The following KIAA0232 variants were observed in gnomAD, a reference collection of about 807,000 sequenced individuals.
KIAA0232 encodes the protein uncharacterized protein KIAA0232.
A neutral mutation model predicts 122.0 loss-of-function variants in KIAA0232; 27 were observed. The observed-to-expected ratio is 0.22, with a 90% CI of 0.16 to 0.31. The LOEUF is 0.31. KIAA0232 is among the 10% of genes least tolerant of loss of function. The probability of loss-of-function intolerance (pLI) is 1.00; values close to 1 mark genes in which losing one functional copy is unlikely to be tolerated. For missense variants in KIAA0232, 1,551 were observed against 1,634.2 expected, an observed-to-expected ratio of 0.95 and a Z score of 0.88; for synonymous variants, 613 against 587.6, an observed-to-expected ratio of 1.04 and a Z score of -0.63.
chr4:6,797,556 G>A (rs575500651), intron 1 of KIAA0232, among the ~76,000 whole-genome samples: 45 of 148,164 alleles, frequency 3.0e-4, no homozygotes, highest in African/African-American at 1.1e-3. Context: ...GATCGCTTGA[G>A]CCCAGGAATT....
chr4:6,868,603 C>T (rs1046925242), intron 7 of KIAA0232, among the ~76,000 whole-genome samples: 1 of 152,288 alleles, frequency 6.6e-6, no homozygotes, highest in East Asian at 1.9e-4. Context: ...GGGAGGGCAG[C>T]ACTGAGGCCG....
chr4:6,876,909 C>T (rs1363808081), intron 9 of KIAA0232, 152 bp downstream of exon 9: 1 of 608,950 alleles, frequency 1.6e-6, no homozygotes, highest in Non-Finnish European at 3.0e-6. Flanking sequence ...TGTTCTCTGG[C>T]CTTTGTTCTG....
chr4:6,816,927 T>C (rs1351111019), intron 2 of KIAA0232, among the ~76,000 whole-genome samples: 1 of 152,162 alleles, frequency 6.6e-6, no homozygotes, highest in Non-Finnish European at 1.5e-5. Flanking sequence ...ACCTATAGAA[T>C]CTGTAGTGAT....
At chr4:6,869,074 G>C (rs1244749969) in intron 7 of KIAA0232, among the ~76,000 whole-genome samples, 1 of 152,130 alleles carries the variant, frequency 6.6e-6, no homozygotes, top group East Asian at 1.9e-4. Flanking sequence ...AGGAAGACGT[G>C]GTCCCGCCCC....
intron 9 of KIAA0232, among the ~76,000 whole-genome samples, chr4:6,878,382 TAC>T (rs1560214635): frequency 1.7e-4 from 26 of 150,646 alleles, no homozygotes; most frequent in South Asian, 1.3e-3. Context: ...CATTCATTCA[TAC>T]ATACATACAT....
Position 6,883,803 on chromosome 4 carries a change from T to A in KIAA0232, c.*2837T>A, listed in dbSNP as rs544699029. ...GAAAACTCATATGTCCTTCTGTCACTCTGAGACATACACTGGTAACATCTG... is the reference window on the plus strand; with the variant it reads ...GAAAACTCATATGTCCTTCTGTCACACTGAGACATACACTGGTAACATCTG... On this transcript the variant is annotated 3_prime_UTR_variant, in exon 10 of 10. Transcript: ENST00000307659. The A allele has an allele frequency of 1.2e-3, 187 of 152,348 alleles. No individual in the cohort carries two copies. Among genetic ancestry groups the A allele is most frequent in the African/African-American group, 4.1e-3 (171 of 41,590 alleles). The allele number at this position is 152,348 out of a possible 1,614,324, so 9.4% of individuals were successfully genotyped here.
At chr4:6,790,100 C>T (rs147469256) in intron 1 of KIAA0232, among the ~76,000 whole-genome samples, 4 of 152,166 alleles carry the variant, frequency 2.6e-5, no homozygotes, top group Non-Finnish European at 2.9e-5. Context: ...TTCAGGAAAG[C>T]GAATGTTTTC....
At chr4:6,796,907 TAGTC>T (rs1228616607) in intron 1 of KIAA0232, among the ~76,000 whole-genome samples, 1 of 152,214 alleles carries the variant, frequency 6.6e-6, no homozygotes, top group Non-Finnish European at 1.5e-5. Flanking sequence ...TTGGTTATGT[TAGTC>T]AGCATCCTTT....
chr4:6,828,081 A>G (rs186977818), intron 3 of KIAA0232, among the ~76,000 whole-genome samples: 2 of 152,348 alleles, frequency 1.3e-5, no homozygotes, highest in East Asian at 3.9e-4. Flanking sequence ...ATTTTACTGT[A>G]AAGCTTTTCA....
At chr4:6,802,045 A>G (rs1717407089) in intron 1 of KIAA0232, among the ~76,000 whole-genome samples, 1 of 152,174 alleles carries the variant, frequency 6.6e-6, no homozygotes, top group South Asian at 2.1e-4. Flanking sequence ...TGAGTGTCAC[A>G]AGTTGGGTTC....
intron 5 of KIAA0232, 52 bp downstream of exon 5, chr4:6,857,282 A>G (rs193259927): frequency 3.1e-5 from 46 of 1,471,548 alleles, no homozygotes; most frequent in Admixed American, 7.8e-5. Context: ...TCCCTGAGGA[A>G]TCTGGATTGG....
intron 7 of KIAA0232, among the ~76,000 whole-genome samples, chr4:6,871,088 A>G (rs1190894730): frequency 6.6e-6 from 1 of 152,066 alleles, no homozygotes; most frequent in East Asian, 1.9e-4. Context: ...TTCTTTATAC[A>G]CTGTGAACAC....
intron 4 of KIAA0232, among the ~76,000 whole-genome samples, chr4:6,846,193 G>C (rs551941283): frequency 7.9e-5 from 12 of 152,208 alleles, no homozygotes; most frequent in African/African-American, 2.9e-4. Flanking sequence ...AATGTGCCAG[G>C]CATAACCAGA....
intron 7 of KIAA0232, among the ~76,000 whole-genome samples, chr4:6,865,625 A>T (rs571965551): frequency 2.0e-5 from 3 of 152,112 alleles, no homozygotes; most frequent in Non-Finnish European, 2.9e-5. Flanking sequence ...AAAGAGATGG[A>T]GGTGTTTAGA....
chr4:6,874,107 C>T (rs1468553187), intron 8 of KIAA0232, among the ~76,000 whole-genome samples: 1 of 152,190 alleles, frequency 6.6e-6, no homozygotes, highest in Admixed American at 6.5e-5. Context: ...GTTCAGGTAA[C>T]CATATAAGAA....
Position 6,863,332 on chromosome 4 carries a change from C to T in KIAA0232, c.2950C>T (p.Pro984Ser). The change falls in exon 7 of 10, where the codon CCT becomes TCT. Residue 984 changes from proline (P) to serine (S), a missense_variant. Around this residue, in one of 5 missense-constraint regions of KIAA0232, gnomAD observed 1,108 missense variants for 1,154.8 expected, o/e 0.96. Transcript: ENST00000307659. ...VFMTPGNSFA[P>S]GHRQLWKPFV... The stretch of plus-strand genomic sequence containing the variant: ...TATGACCCCAGGAAACAGTTTTGCT[C>T]CTGGGCACAGGCAGTTATGGAAACC... 1 of 1,614,106 alleles carries T rather than the reference C, an allele frequency of 6.2e-7. No homozygotes were observed. The highest frequency in any genetic ancestry group is 8.5e-7 in the Non-Finnish European group (1 of 1,180,012).
chr4:6,852,918 C>T (rs1720371165), intron 4 of KIAA0232, among the ~76,000 whole-genome samples: 1 of 152,214 alleles, frequency 6.6e-6, no homozygotes, highest in Non-Finnish European at 1.5e-5. Context: ...TATTGTGAAA[C>T]CCAGTCACTG....
intron 1 of KIAA0232, among the ~76,000 whole-genome samples, chr4:6,798,015 G>A (rs1387864207): frequency 2.7e-5 from 4 of 148,922 alleles, no homozygotes; most frequent in Non-Finnish European, 4.4e-5. Context: ...CTGAGATTAC[G>A]CCACTGCATT....
chr4:6,869,719 A>G (rs1446333196), intron 7 of KIAA0232, among the ~76,000 whole-genome samples: 3 of 152,272 alleles, frequency 2.0e-5, no homozygotes, highest in Admixed American at 1.3e-4. Context: ...AAGTGAAAAC[A>G]AAAGTTTGAA....
Sources: allele counts gnomAD v4.1 joint callset (sites outside exome capture counted in the v4.1 genomes callset), GRCh38; gene constraint gnomAD v4.1.1; regional missense constraint gnomAD v4.1.1; transcripts MANE v1.5; gene names NCBI Gene and HGNC (gene_info 2026-07-23, HGNC 2026-07-21).